AK5: variants seen among roughly 807,000 people sequenced by gnomAD.
The protein encoded by AK5 is adenylate kinase 5, also known as adenylate kinase isoenzyme 5.
AK5 carries 27 observed loss-of-function variants against 69.5 expected under a neutral mutation model. That is an observed-to-expected ratio of 0.39 (90% confidence interval 0.29 to 0.54). The LOEUF (loss-of-function observed/expected upper bound fraction) is 0.54, where lower values mean the gene tolerates loss of function less well. Among genes scored for constraint, AK5 ranks in the 20% least tolerant of loss-of-function variants. The probability of loss-of-function intolerance (pLI) is 0.71; values close to 1 mark genes in which losing one functional copy is unlikely to be tolerated. For synonymous variants in AK5, 260 were observed against 244.4 expected (o/e 1.06, Z -0.60); for missense variants, 531 against 700.4 (o/e 0.76, Z 2.73).
intron 8 of AK5, among the ~76,000 whole-genome samples, chr1:77,434,107 CATAAATAAATAA>C (rs144552494): frequency 0.15 from 21,586 of 143,444 alleles, 1,807 homozygotes; most frequent in Admixed American, 0.24. Context: ...GAGTGCAAAG[CATAAATAAATAA>C]ATAAATAAAT....
intron 8 of AK5, among the ~76,000 whole-genome samples, chr1:77,438,426 G>A (rs747687503): frequency 6.6e-6 from 1 of 151,580 alleles, no homozygotes; most frequent in Admixed American, 6.6e-5. Flanking sequence ...AAACTGGCAT[G>A]CCTTAATGTT....
chr1:77,313,979 T>C (rs1660104296), intron 5 of AK5: 1 of 458,656 alleles, frequency 2.2e-6, no homozygotes, highest in African/African-American at 2.0e-5. Flanking sequence ...GCTGGCTATT[T>C]GCTTGATGGA....
chr1:77,551,224 AACACACAC>A (rs3077617), intron 13 of AK5, among the ~76,000 whole-genome samples: 1 of 149,874 alleles, frequency 6.7e-6, no homozygotes. Flanking sequence ...GGCCTTTCCC[AACACACAC>A]ACACACACAC....
intron 6 of AK5, among the ~76,000 whole-genome samples, chr1:77,396,777 G>A (rs1285836797): frequency 6.6e-6 from 1 of 152,216 alleles, no homozygotes; most frequent in East Asian, 1.9e-4. Context: ...TCCAAGATGT[G>A]TTCTTCCCTA....
chr1:77,458,641 T>C (rs1179754835), intron 8 of AK5, among the ~76,000 whole-genome samples: 2 of 152,120 alleles, frequency 1.3e-5, no homozygotes, highest in Non-Finnish European at 2.9e-5. Flanking sequence ...GAAACTCCTG[T>C]TTTTAAAACC....
intron 8 of AK5, among the ~76,000 whole-genome samples, chr1:77,424,192 A>G (rs2100596618): frequency 6.6e-6 from 1 of 152,354 alleles, no homozygotes; most frequent in Non-Finnish European, 1.5e-5. Context: ...GGCAAAAAAC[A>G]TGATTTGAAT....
chr1:77,435,487 A>C (rs1651898332), intron 8 of AK5, among the ~76,000 whole-genome samples: 1 of 152,002 alleles, frequency 6.6e-6, no homozygotes, highest in Admixed American at 6.6e-5. Flanking sequence ...ATCTCCATTA[A>C]AAATATAAAA....
intron 8 of AK5, among the ~76,000 whole-genome samples, chr1:77,428,379 C>A (rs1469534895): frequency 6.6e-6 from 1 of 152,206 alleles, no homozygotes; most frequent in Non-Finnish European, 1.5e-5. Context: ...TGAAGCCACA[C>A]TTCTGCAGCT....
chr1:77,341,985 A>G (rs1232753076), intron 6 of AK5, among the ~76,000 whole-genome samples: 4 of 152,040 alleles, frequency 2.6e-5, no homozygotes, highest in African/African-American at 4.8e-5. Flanking sequence ...TGCAACCTCC[A>G]TCTCCTGGGT....
chr1:77,489,417 C>G (rs1304685390), intron 10 of AK5, among the ~76,000 whole-genome samples: 2 of 152,198 alleles, frequency 1.3e-5, no homozygotes, highest in African/African-American at 4.8e-5. Context: ...ACTGTACATA[C>G]TGAACTCTGA....
chr1:77,425,162 T>A (rs1651113307), intron 8 of AK5, among the ~76,000 whole-genome samples: 1 of 152,162 alleles, frequency 6.6e-6, no homozygotes, highest in Non-Finnish European at 1.5e-5. Context: ...TAGAATTCTG[T>A]ACTCGACAAA....
At chr1:77,325,071 G>A (rs1660730803) in intron 5 of AK5, among the ~76,000 whole-genome samples, 1 of 149,822 alleles carries the variant, frequency 6.7e-6, no homozygotes. Context: ...TCTGCTTCCT[G>A]GGTTCAAGCA....
At chr1:77,306,773 T>A (rs1659667309) in intron 5 of AK5, among the ~76,000 whole-genome samples, 1 of 152,142 alleles carries the variant, frequency 6.6e-6, no homozygotes, top group Non-Finnish European at 1.5e-5. Context: ...AGTTTTGATC[T>A]TGTTACTTGT....
intron 12 of AK5, among the ~76,000 whole-genome samples, chr1:77,527,046 T>C (rs1223547520): frequency 1.3e-5 from 2 of 152,190 alleles, no homozygotes; most frequent in South Asian, 2.1e-4. Context: ...ATTAAAAGCA[T>C]GTCACTCGTG....
chr1:77,494,714 G>A (rs1319870344), intron 10 of AK5, among the ~76,000 whole-genome samples: 1 of 151,862 alleles, frequency 6.6e-6, no homozygotes, highest in African/African-American at 2.4e-5. Context: ...TTACCTAATA[G>A]CAAGATTAAA....
chr1:77,535,608 G>A (rs927985289), intron 12 of AK5, among the ~76,000 whole-genome samples: 6 of 152,164 alleles, frequency 3.9e-5, no homozygotes, highest in African/African-American at 1.4e-4. Context: ...ATACTCGTCT[G>A]CATCACGTGA....
At chr1:77,395,788 G>C (rs1370181088) in intron 6 of AK5, among the ~76,000 whole-genome samples, 1 of 152,236 alleles carries the variant, frequency 6.6e-6, no homozygotes, top group Non-Finnish European at 1.5e-5. Flanking sequence ...GGGATGAGAA[G>C]TTATTCGAAG....
At chr1:77,518,765 T>A in intron 11 of AK5, 38 bp downstream of exon 11, 1 of 1,602,044 alleles carries the variant, frequency 6.2e-7, no homozygotes, top group Non-Finnish European at 8.5e-7. Context: ...CTGCCTTTCC[T>A]GTCTGGGGAG....
chr1:77,283,207 G>A, intron 1 of AK5: 1 of 985,468 alleles, frequency 1.0e-6, no homozygotes. Context: ...CACAACCCCT[G>A]TCTCAGGTCG....
Sources: gnomAD v4.1 joint callset for allele counts (sites outside exome capture counted in the v4.1 genomes callset) on GRCh38, gnomAD v4.1.1 for gene constraint, MANE v1.5 for transcripts, NCBI Gene and HGNC (gene_info 2026-07-23, HGNC 2026-07-21) for gene names.